ZFPM2: variants seen among roughly 807,000 people sequenced by gnomAD.
ZFPM2 encodes zinc finger protein, FOG family member 2, also known as zinc finger protein ZFPM2.
Under a neutral mutation model 98.6 loss-of-function variants are expected in ZFPM2, and 20 were observed. That is an observed-to-expected ratio of 0.20 (90% CI 0.14 to 0.29). The LOEUF (loss-of-function observed/expected upper bound fraction) is 0.29. Among genes scored for constraint, ZFPM2 ranks in the 10% least tolerant of loss-of-function variants. ZFPM2 has a pLI of 1.00. For synonymous variants in ZFPM2, 518 were observed against 502.7 expected (o/e 1.03, Z -0.41); for missense variants, 1,310 against 1,388.6 (o/e 0.94, Z 0.90).
At chr8:105,583,650 A>G (rs575465013) in intron 4 of ZFPM2, among the ~76,000 whole-genome samples, 71 of 152,184 alleles carry the variant, frequency 4.7e-4, no homozygotes, top group Non-Finnish European at 8.8e-4. Flanking sequence ...GGGAGCAAAC[A>G]AAGGGGGCTA....
chr8:105,335,365 T>C (rs2129640987), intron 1 of ZFPM2, among the ~76,000 whole-genome samples: 1 of 151,920 alleles, frequency 6.6e-6, no homozygotes, highest in East Asian at 1.9e-4. Context: ...GAAGATTTTA[T>C]TGTATTTTGT....
intron 4 of ZFPM2, among the ~76,000 whole-genome samples, chr8:105,575,897 T>G (rs867308074): frequency 4.6e-5 from 7 of 152,218 alleles, no homozygotes; most frequent in Non-Finnish European, 1.5e-5. Context: ...CACATATGGT[T>G]CAGTTAAGCT....
intron 5 of ZFPM2, among the ~76,000 whole-genome samples, chr8:105,726,218 A>G (rs1203136654): frequency 6.6e-6 from 1 of 151,588 alleles, no homozygotes; most frequent in Non-Finnish European, 1.5e-5. Context: ...TATTTTAATA[A>G]GAATTATTTG....
chr8:105,573,277 G>A (rs1815396121), intron 4 of ZFPM2, among the ~76,000 whole-genome samples: 1 of 152,168 alleles, frequency 6.6e-6, no homozygotes, highest in Admixed American at 6.5e-5. Flanking sequence ...CATGGGAGTG[G>A]CATCCTATCA....
At chr8:105,647,107 A>T (rs1324682923) in intron 5 of ZFPM2, among the ~76,000 whole-genome samples, 1 of 152,172 alleles carries the variant, frequency 6.6e-6, no homozygotes, top group Non-Finnish European at 1.5e-5. Flanking sequence ...GGGATTCTGC[A>T]GACGAAATCT....
intron 5 of ZFPM2, among the ~76,000 whole-genome samples, chr8:105,699,834 C>T (rs1429831715): frequency 3.3e-5 from 5 of 152,120 alleles, no homozygotes; most frequent in African/African-American, 4.8e-5. Flanking sequence ...ACTCAACATT[C>T]AACGAATATT....
chr8:105,681,087 C>A (rs913071884), intron 5 of ZFPM2, among the ~76,000 whole-genome samples: 2 of 152,130 alleles, frequency 1.3e-5, no homozygotes, highest in African/African-American at 4.8e-5. Context: ...TAATTCAAAT[C>A]ATTAAATAGG....
At chr8:105,790,027 T>C (rs1241559154) in intron 6 of ZFPM2, among the ~76,000 whole-genome samples, 7 of 151,730 alleles carry the variant, frequency 4.6e-5, no homozygotes, top group Non-Finnish European at 1.0e-4. Flanking sequence ...TTCTCCCATT[T>C]TGTAGGTTGC....
chr8:105,390,890 T>C (rs1244915164), intron 1 of ZFPM2, among the ~76,000 whole-genome samples: 2 of 152,142 alleles, frequency 1.3e-5, no homozygotes, highest in South Asian at 4.1e-4. Flanking sequence ...GGAGATAATA[T>C]AGGTAATGAG....
chr8:105,603,853 G>A (rs1816143252), intron 4 of ZFPM2, among the ~76,000 whole-genome samples: 1 of 151,892 alleles, frequency 6.6e-6, no homozygotes, highest in African/African-American at 2.4e-5. Flanking sequence ...TCAGCACTTG[G>A]CTCCCATGAC....
chr8:105,454,631 G>A (rs981576358), intron 3 of ZFPM2, among the ~76,000 whole-genome samples: 4 of 152,148 alleles, frequency 2.6e-5, no homozygotes, highest in African/African-American at 7.2e-5. Context: ...AGGATCCCTT[G>A]TATCTGTAGG....
chr8:105,746,490 A>G (rs985537407), intron 5 of ZFPM2, among the ~76,000 whole-genome samples: 2 of 152,080 alleles, frequency 1.3e-5, no homozygotes, highest in African/African-American at 4.8e-5. Flanking sequence ...CATTTGAAAT[A>G]TGCTTGTTTT....
intron 3 of ZFPM2, among the ~76,000 whole-genome samples, chr8:105,500,312 G>C (rs1257260051): frequency 2.0e-5 from 3 of 152,048 alleles, no homozygotes; most frequent in African/African-American, 7.2e-5. Context: ...TTAAACGTAA[G>C]ATAAGGAAAT....
chr8:105,565,057 A>C (rs898614750), intron 4 of ZFPM2, among the ~76,000 whole-genome samples: 2 of 152,140 alleles, frequency 1.3e-5, no homozygotes, highest in African/African-American at 4.8e-5. Context: ...ACTCTGCTCA[A>C]ACTCATGGTG....
intron 2 of ZFPM2, among the ~76,000 whole-genome samples, chr8:105,433,162 G>A (rs1812052284): frequency 6.6e-6 from 1 of 152,136 alleles, no homozygotes; most frequent in Non-Finnish European, 1.5e-5. Context: ...ACCCTTTCAT[G>A]TGCTCGTTGA....
At chr8:105,735,676 G>A (rs561578007) in intron 5 of ZFPM2, among the ~76,000 whole-genome samples, 5 of 151,936 alleles carry the variant, frequency 3.3e-5, no homozygotes, top group African/African-American at 7.2e-5. Flanking sequence ...TTTAAATGCC[G>A]CTGTTATAAT....
chr8:105,749,798 G>A (rs1812435172), intron 5 of ZFPM2, among the ~76,000 whole-genome samples: 2 of 151,910 alleles, frequency 1.3e-5, no homozygotes, highest in Non-Finnish European at 2.9e-5. Flanking sequence ...AAAGAAGGAA[G>A]AGAGTGGAGG....
chr8:105,472,118 T>A (rs565260669), intron 3 of ZFPM2, among the ~76,000 whole-genome samples: 1 of 152,184 alleles, frequency 6.6e-6, no homozygotes, highest in Non-Finnish European at 1.5e-5. Context: ...GTCTTACACT[T>A]TAGTTGGCAA....
At chr8:105,698,802 G>A (rs1811075913) in intron 5 of ZFPM2, among the ~76,000 whole-genome samples, 1 of 152,128 alleles carries the variant, frequency 6.6e-6, no homozygotes, top group South Asian at 2.1e-4. Flanking sequence ...AGGTTACACA[G>A]CTTCAATTTC....
Sources: gnomAD v4.1 joint callset for allele counts (sites outside exome capture counted in the v4.1 genomes callset) on GRCh38, gnomAD v4.1.1 for gene constraint, MANE v1.5 for transcripts, NCBI Gene and HGNC (gene_info 2026-07-23, HGNC 2026-07-21) for gene names.